Variants in XPR1 observed in about 807,000 individuals in gnomAD.
The protein encoded by XPR1 is xenotropic and polytropic retrovirus receptor 1.
Under a neutral mutation model 87.5 loss-of-function variants are expected in XPR1, and 28 were observed. The ratio of observed to expected loss-of-function variants is 0.32; its 90% confidence interval spans 0.24 to 0.44. The LOEUF (loss-of-function observed/expected upper bound fraction) is 0.44, where lower values mean the gene tolerates loss of function less well. Among genes scored for constraint, XPR1 ranks in the 20% least tolerant of loss-of-function variants. The probability of loss-of-function intolerance (pLI) is 1.00; values close to 1 mark genes in which losing one functional copy is unlikely to be tolerated. For synonymous variants in XPR1, 300 were observed against 306.1 expected, an observed-to-expected ratio of 0.98 and a Z score of 0.21; for missense variants, 559 against 862.3, an observed-to-expected ratio of 0.65 and a Z score of 4.41.
intron 2 of XPR1, among the ~76,000 whole-genome samples, 193 bp from the exon 3 acceptor site, chr1:180,787,560 T>C (rs1375686767): frequency 2.0e-5 from 3 of 152,232 alleles, no homozygotes; most frequent in African/African-American, 4.8e-5. Context: ...ATTACAGGCA[T>C]GAGCCATCGC....
At chr1:180,762,274 TAATA>T (rs570194563) in intron 2 of XPR1, among the ~76,000 whole-genome samples, 1 of 151,770 alleles carries the variant, frequency 6.6e-6, no homozygotes. Context: ...AGTATAATAA[TAATA>T]AATAAAAAGA....
At chr1:180,841,187 C>CT (rs1362172180) in intron 11 of XPR1, among the ~76,000 whole-genome samples, 1 of 152,114 alleles carries the variant, frequency 6.6e-6, no homozygotes, top group Admixed American at 6.6e-5. Flanking sequence ...GCACAGGTCT[C>CT]TAACTCAGTC....
intron 7 of XPR1, among the ~76,000 whole-genome samples, chr1:180,819,827 A>G (rs1467561423): frequency 6.6e-6 from 1 of 151,968 alleles, no homozygotes; most frequent in Non-Finnish European, 1.5e-5. Context: ...AGACCAGCCT[A>G]GGCAACATGG....
chr1:180,658,643 C>T (rs1321874620), intron 1 of XPR1, among the ~76,000 whole-genome samples: 1 of 152,030 alleles, frequency 6.6e-6, no homozygotes, highest in African/African-American at 2.4e-5. Flanking sequence ...TGGCTCACTG[C>T]AAGCTCCGCC....
chr1:180,680,113 T>G (rs1405534873), intron 1 of XPR1, among the ~76,000 whole-genome samples: 1 of 151,682 alleles, frequency 6.6e-6, no homozygotes, highest in Non-Finnish European at 1.5e-5. Context: ...GGCTAACAAA[T>G]AAAGAAAATG....
chr1:180,786,055 T>C (rs1401554610), intron 2 of XPR1, among the ~76,000 whole-genome samples: 1 of 151,876 alleles, frequency 6.6e-6, no homozygotes, highest in Non-Finnish European at 1.5e-5. Context: ...TTATTGTACC[T>C]AGATTGCGGA....
At chr1:180,687,023 A>G (rs1392247237) in intron 2 of XPR1, among the ~76,000 whole-genome samples, 2 of 152,182 alleles carry the variant, frequency 1.3e-5, no homozygotes, top group Non-Finnish European at 2.9e-5. Context: ...TTTAACAGTA[A>G]GTTTAGTTTT....
Position 180,827,336 on chromosome 1 carries a change from G to T in XPR1, c.1134+1992G>T, listed in dbSNP as rs776878402. Among the ~76,000 whole-genome samples the T allele has an allele frequency of 7.2e-5, 11 of 151,990 alleles. 1 individual carries two copies. The East Asian group carries it at 1.7e-3, about 24-fold the overall frequency. ...ACTTTGGAAGATTCAGAAAACTCAG[G>T]TTTTACTATGATTACGTAATTACAG... On this transcript the variant is annotated intron_variant, in intron 9 of 14. Transcript: ENST00000367590.
At chr1:180,649,347 GC>G (rs993818741) in intron 1 of XPR1, among the ~76,000 whole-genome samples, 1 of 152,090 alleles carries the variant, frequency 6.6e-6, no homozygotes, top group Non-Finnish European at 1.5e-5. Context: ...CACGAGAATG[GC>G]GTGAACCCGG....
At chr1:180,656,706 T>C (rs1313438518) in intron 1 of XPR1, among the ~76,000 whole-genome samples, 2 of 132,534 alleles carry the variant, frequency 1.5e-5, no homozygotes, top group African/African-American at 2.8e-5. Flanking sequence ...ATTTTATATA[T>C]ATATATAAAA....
chr1:180,813,873 A>G (rs1465868528), intron 7 of XPR1, among the ~76,000 whole-genome samples: 2 of 152,200 alleles, frequency 1.3e-5, no homozygotes, highest in South Asian at 2.1e-4. Flanking sequence ...CAAAACTGCA[A>G]TTACTTTTGC....
rs183873443 is a variant in XPR1, at chr1:180,775,824, A to T, written c.122-11929A>T. 3.8e-4 allele frequency among the ~76,000 whole-genome samples: 58 copies of T among 152,218 alleles called. No homozygotes were observed. In the East Asian group the frequency reaches 8.9e-3, roughly 23 times the overall value. On this transcript the variant is annotated intron_variant, in intron 2 of 14. Coordinates refer to ENST00000367590, the MANE Select transcript of XPR1 (RefSeq NM_004736.4). The stretch of plus-strand genomic sequence containing the variant: ...TGCTGGAAAAAAAAATCCCCTTTTT[A>T]TTGTCCTTTAAGAGAATTCATTTCC...
chr1:180,838,359 G>A (rs1310507584), intron 11 of XPR1, among the ~76,000 whole-genome samples: 1 of 152,080 alleles, frequency 6.6e-6, no homozygotes, highest in Non-Finnish European at 1.5e-5. Context: ...GGGTAGCAGA[G>A]GCAGAAGAAA....
chr1:180,821,740 C>T (rs1650631145), intron 7 of XPR1, among the ~76,000 whole-genome samples: 1 of 152,106 alleles, frequency 6.6e-6, no homozygotes, highest in South Asian at 2.1e-4. Flanking sequence ...GTATACAGGT[C>T]TTTCACTTAC....
chr1:180,729,977 A>G (rs528527145), intron 2 of XPR1, among the ~76,000 whole-genome samples: 1 of 152,298 alleles, frequency 6.6e-6, no homozygotes, highest in African/African-American at 2.4e-5. Flanking sequence ...GTCTATGTCC[A>G]GAATGGTATT....
At chr1:180,828,346 G>A (rs1558028493) in intron 9 of XPR1, among the ~76,000 whole-genome samples, 1 of 152,088 alleles carries the variant, frequency 6.6e-6, no homozygotes, top group Non-Finnish European at 1.5e-5. Flanking sequence ...AATATTGTAT[G>A]TCAAATTAGT....
chr1:180,681,518 C>T (rs563246525), intron 1 of XPR1, among the ~76,000 whole-genome samples: 3 of 152,156 alleles, frequency 2.0e-5, no homozygotes, highest in African/African-American at 4.8e-5. Context: ...TGGTGGCGGG[C>T]GCCTGTAGTC....
At chr1:180,760,232 CTAT>C (rs1205647518) in intron 2 of XPR1, among the ~76,000 whole-genome samples, 1 of 152,168 alleles carries the variant, frequency 6.6e-6, no homozygotes, top group East Asian at 1.9e-4. Context: ...CTTACCGCTC[CTAT>C]TCAACATAGT....
chr1:180,638,267 A>C (rs7513282), intron 1 of XPR1, among the ~76,000 whole-genome samples: 199 of 152,330 alleles, frequency 1.3e-3, no homozygotes, highest in African/African-American at 4.4e-3. Flanking sequence ...TTGTACACAG[A>C]TACAGATGGG....
Sources: gnomAD v4.1 joint callset for allele counts (sites outside exome capture counted in the v4.1 genomes callset) on GRCh38, gnomAD v4.1.1 for gene constraint, MANE v1.5 for transcripts, NCBI Gene and HGNC (gene_info 2026-07-23, HGNC 2026-07-21) for gene names.